The following NSG1 variants were observed in gnomAD, a reference collection of about 807,000 sequenced individuals.
NSG1 encodes the protein neuronal vesicle trafficking associated 1.
Under a neutral mutation model 19.3 loss-of-function variants are expected in NSG1, and 9 were observed. The observed-to-expected ratio is 0.47, with a 90% CI of 0.28 to 0.81. The LOEUF (loss-of-function observed/expected upper bound fraction) is 0.81. NSG1 is among the 40% of genes least tolerant of loss of function. The probability of loss-of-function intolerance (pLI) is 0.11; values close to 1 mark genes in which losing one functional copy is unlikely to be tolerated. For missense variants in NSG1, 236 were observed against 242.4 expected (o/e 0.97, Z 0.18); for synonymous variants, 104 against 107.0 (o/e 0.97, Z 0.17).
chr4:4,403,457 C>T (rs1242683883), intron 3 of NSG1, among the ~76,000 whole-genome samples: 5 of 152,204 alleles, frequency 3.3e-5, no homozygotes, highest in African/African-American at 4.8e-5. Context: ...TGTCTTCAAG[C>T]TTCTCTCTGC....
Position 4,417,716 on chromosome 4 carries a change from T to A in NSG1, c.*281T>A, listed in dbSNP as rs1156972281. 6.6e-6 allele frequency: 3 copies of A among 455,222 alleles called. No individual in the cohort carries two copies. Among genetic ancestry groups the A allele is most frequent in the South Asian group, 2.2e-5 (1 of 44,750 alleles). The allele number at this position is 455,222 out of a possible 1,614,324, so 28.2% of individuals were successfully genotyped here. ...GGATTTATTGGATGCTGTAAAAAAATAAATTTACACTGGATATGCGAAGGG... is the reference window on the plus strand; with the variant it reads ...GGATTTATTGGATGCTGTAAAAAAAAAAATTTACACTGGATATGCGAAGGG... On this transcript the variant is annotated 3_prime_UTR_variant, in exon 5 of 5. Coordinates refer to ENST00000621129, the MANE Select transcript of NSG1 (RefSeq NM_014392.5).
At chr4:4,408,296 C>A (rs550222588) in intron 3 of NSG1, among the ~76,000 whole-genome samples, 1 of 152,124 alleles carries the variant, frequency 6.6e-6, no homozygotes, top group Non-Finnish European at 1.5e-5. Flanking sequence ...CTCCAGGCTG[C>A]TGGGAGGGGC....
chr4:4,416,544 C>T (rs569993874), intron 4 of NSG1, among the ~76,000 whole-genome samples: 11 of 152,280 alleles, frequency 7.2e-5, no homozygotes, highest in Middle Eastern at 3.4e-3. Context: ...ACAGGGAAAA[C>T]GCCCCCGGCC....
At chr4:4,391,192 C>T (rs113242032) in intron 2 of NSG1, among the ~76,000 whole-genome samples, 1,613 of 152,324 alleles carry the variant, frequency 0.011, 25 homozygotes, top group African/African-American at 0.037. Context: ...GCTGCATCCC[C>T]GCCCTGCCGC....
At chr4:4,414,964 C>A (rs914648046) in intron 4 of NSG1, among the ~76,000 whole-genome samples, 10 of 149,620 alleles carry the variant, frequency 6.7e-5, no homozygotes, top group African/African-American at 2.2e-4. Context: ...AAAAAAACAA[C>A]AACAACATGA....
At chr4:4,414,075 T>G (rs1429543853) in intron 4 of NSG1, among the ~76,000 whole-genome samples, 4 of 152,058 alleles carry the variant, frequency 2.6e-5, no homozygotes, top group African/African-American at 7.2e-5. Flanking sequence ...CTGAGGCCAG[T>G]GGCTTCACCA....
At chr4:4,399,832 T>C (rs1314024622) in intron 3 of NSG1, among the ~76,000 whole-genome samples, 1 of 152,204 alleles carries the variant, frequency 6.6e-6, no homozygotes, top group East Asian at 1.9e-4. Flanking sequence ...ACCTAGATTC[T>C]CATAAGGAGA....
At chr4:4,391,211 C>T (rs924184716) in intron 2 of NSG1, among the ~76,000 whole-genome samples, 12 of 152,196 alleles carry the variant, frequency 7.9e-5, no homozygotes, top group African/African-American at 2.9e-4. Flanking sequence ...GCCTATAAAC[C>T]GCATGACCTT....
In NSG1 at chr4:4,412,722, G is replaced by A. The variant is rs565231438; in HGVS notation, c.357+3039G>A. Among the ~76,000 whole-genome samples, 81 of 152,300 alleles carry A rather than the reference G, an allele frequency of 5.3e-4. 1 individual carries two copies. The highest frequency in any genetic ancestry group is 1.8e-3 in the African/African-American group (75 of 41,562). The stretch of plus-strand genomic sequence containing the variant: ...ATACACTCGGTAGCTGTGGGCTCCC[G>A]TTATCCATACACTCAGTAGCTGGCT... On this transcript the variant is annotated intron_variant, in intron 4 of 4. Coordinates refer to ENST00000621129, the MANE Select transcript of NSG1 (RefSeq NM_014392.5).
At chr4:4,394,756 A>G (rs1723168732) in intron 3 of NSG1, among the ~76,000 whole-genome samples, 1 of 152,190 alleles carries the variant, frequency 6.6e-6, no homozygotes, top group Non-Finnish European at 1.5e-5. Flanking sequence ...ATGGATGACT[A>G]ATTGTGCTGC....
chr4:4,416,255 C>T, intron 4 of NSG1: 2 of 700,858 alleles, frequency 2.9e-6, no homozygotes, highest in Admixed American at 4.0e-5. Context: ...GCGCCGCCCT[C>T]CTGCCAGTGG....
chr4:4,394,338 A>G (rs1428380505), intron 3 of NSG1, among the ~76,000 whole-genome samples: 2 of 152,158 alleles, frequency 1.3e-5, no homozygotes, highest in Non-Finnish European at 2.9e-5. Flanking sequence ...CTTCAGAGAC[A>G]TGGCAGGCAC....
chr4:4,398,607 C>T (rs1253323066), intron 3 of NSG1, among the ~76,000 whole-genome samples: 1 of 152,222 alleles, frequency 6.6e-6, no homozygotes, highest in East Asian at 1.9e-4. Context: ...TACGTTGTAG[C>T]ACTTACAACT....
chr4:4,390,402 G>A (rs1402171347), intron 2 of NSG1, among the ~76,000 whole-genome samples: 1 of 152,226 alleles, frequency 6.6e-6, no homozygotes, highest in East Asian at 1.9e-4. Context: ...TTCTCCCCAA[G>A]GCTGGCTTTG....
chr4:4,413,118 C>T (rs1392980350), intron 4 of NSG1, among the ~76,000 whole-genome samples: 1 of 152,140 alleles, frequency 6.6e-6, no homozygotes, highest in East Asian at 1.9e-4. Flanking sequence ...GTTCTAGGCG[C>T]TGGAACACAG....
intron 2 of NSG1, among the ~76,000 whole-genome samples, chr4:4,388,400 C>G (rs1295897242): frequency 6.6e-6 from 1 of 152,232 alleles, no homozygotes; most frequent in Admixed American, 6.5e-5. Context: ...AACCTTTCCC[C>G]AAAGTGTTTT....
intron 4 of NSG1, among the ~76,000 whole-genome samples, chr4:4,414,258 C>T (rs1376434116): frequency 6.6e-6 from 1 of 151,836 alleles, no homozygotes; most frequent in Non-Finnish European, 1.5e-5. Flanking sequence ...CTGTGTCCGG[C>T]TGCAGATGAG....
chr4:4,404,488 C>T (rs915296398), intron 3 of NSG1, among the ~76,000 whole-genome samples: 9 of 148,786 alleles, frequency 6.0e-5, no homozygotes, highest in Admixed American at 2.0e-4. Flanking sequence ...AGGCCAGGAA[C>T]CCGGGCTTAT....
Position 4,417,535 on chromosome 4 carries a change from C to T in NSG1, c.*100C>T, listed in dbSNP as rs1490798353. On this transcript the variant is annotated 3_prime_UTR_variant, in exon 5 of 5. Coordinates refer to ENST00000621129, the MANE Select transcript of NSG1 (RefSeq NM_014392.5). ...AATTACTGATACTTTAGAGGTTACT[C>T]ATTTACGGTGCAATTGCTTCTGTTT... The T allele has an allele frequency of 8.4e-7, 1 of 1,193,648 alleles. No individual in the cohort carries two copies. The highest frequency in any genetic ancestry group is 1.4e-5 in the South Asian group (1 of 70,524). 73.9% of individuals were successfully genotyped at this position (1,193,648 alleles called of 1,614,324 possible).
Sources: gnomAD v4.1 joint callset for allele counts (sites outside exome capture counted in the v4.1 genomes callset) on GRCh38, gnomAD v4.1.1 for gene constraint, MANE v1.5 for transcripts, NCBI Gene and HGNC (gene_info 2026-07-23, HGNC 2026-07-21) for gene names.